MARCHF3: variants seen among roughly 807,000 people sequenced by gnomAD.
MARCHF3 encodes E3 ubiquitin-protein ligase MARCHF3.
A neutral mutation model predicts 24.2 loss-of-function variants in MARCHF3; 13 were observed. The ratio of observed to expected loss-of-function variants is 0.54; its 90% confidence interval spans 0.35 to 0.85. MARCHF3 has a LOEUF of 0.85. Ranked by LOEUF, MARCHF3 falls within the 40% of genes least tolerant of loss-of-function variation. MARCHF3 has a pLI of 0.01. For missense variants in MARCHF3, 276 were observed against 325.0 expected (o/e 0.85, Z 1.16); for synonymous variants, 144 against 137.3 (o/e 1.05, Z -0.34).
At chr5:126,984,593 G>C (rs1751499648) in intron 1 of MARCHF3, among the ~76,000 whole-genome samples, 1 of 152,136 alleles carries the variant, frequency 6.6e-6, no homozygotes, top group African/African-American at 2.4e-5. Context: ...AACATTCTTG[G>C]GTCATGGGTC....
intron 1 of MARCHF3, among the ~76,000 whole-genome samples, chr5:127,015,564 A>G (rs1479651785): frequency 6.6e-6 from 1 of 152,220 alleles, no homozygotes; most frequent in Admixed American, 6.5e-5. Flanking sequence ...CCAAGCTGAA[A>G]GCCATAGAAA....
intron 1 of MARCHF3, among the ~76,000 whole-genome samples, chr5:126,940,662 G>A (rs1025359360): frequency 1.3e-5 from 2 of 151,918 alleles, no homozygotes; most frequent in Non-Finnish European, 2.9e-5. Context: ...GGCCAGGTTG[G>A]TCTTAAACTC....
At position 126,867,955 on chromosome 5, in the gene MARCHF3, T is replaced by G. The variant is rs1752823451; in HGVS notation, c.*2678A>C. 1 of 152,188 alleles carries G rather than the reference T, an allele frequency of 6.6e-6. No individual in the cohort carries two copies. The highest frequency in any genetic ancestry group is 1.5e-5 in the Non-Finnish European group (1 of 68,028). 9.4% of individuals were successfully genotyped at this position (152,188 alleles called of 1,614,324 possible). The stretch of plus-strand genomic sequence containing the variant: ...ACATGACATTCTCAAGAAAAATGAT[T>G]AGGACAGAATCACAGCAAGGAGTGT... On this transcript the variant is annotated 3_prime_UTR_variant, in exon 5 of 5. Transcript: ENST00000308660.
At chr5:126,872,450 C>A (rs1415101041) in intron 4 of MARCHF3, among the ~76,000 whole-genome samples, 1 of 152,074 alleles carries the variant, frequency 6.6e-6, no homozygotes. Context: ...CATTGATGGA[C>A]CGTCCAAGAA....
intron 1 of MARCHF3, among the ~76,000 whole-genome samples, chr5:126,951,978 C>G (rs1048607567): frequency 2.0e-5 from 3 of 152,106 alleles, no homozygotes; most frequent in Non-Finnish European, 4.4e-5. Flanking sequence ...TCCCAAGTAC[C>G]TGGGATTACA....
chr5:126,940,121 T>C (rs924755552), intron 1 of MARCHF3, among the ~76,000 whole-genome samples: 1 of 152,202 alleles, frequency 6.6e-6, no homozygotes, highest in Non-Finnish European at 1.5e-5. Flanking sequence ...AAGCAGATCA[T>C]TGCCTTGTTT....
chr5:126,914,490 T>C (rs909563490), intron 3 of MARCHF3, among the ~76,000 whole-genome samples: 3 of 152,024 alleles, frequency 2.0e-5, no homozygotes, highest in African/African-American at 7.3e-5. Context: ...CTATATCCAT[T>C]AAACTATGGA....
intron 1 of MARCHF3, among the ~76,000 whole-genome samples, chr5:127,010,890 G>A (rs1269641265): frequency 6.6e-6 from 1 of 152,086 alleles, no homozygotes; most frequent in Non-Finnish European, 1.5e-5. Context: ...AATGGCGGTT[G>A]CTAGGAGCTT....
At chr5:126,966,895 C>A (rs1371478993) in intron 1 of MARCHF3, among the ~76,000 whole-genome samples, 2 of 21,976 alleles carry the variant, frequency 9.1e-5, no homozygotes, top group African/African-American at 1.5e-4. Context: ...TCTTGTTGGG[C>A]TGTGAGAGCC....
chr5:127,008,131 T>C (rs891197505), intron 1 of MARCHF3, among the ~76,000 whole-genome samples: 2 of 152,174 alleles, frequency 1.3e-5, no homozygotes, highest in African/African-American at 4.8e-5. Context: ...AAAAAATGCA[T>C]TGAAGTTGTA....
At chr5:126,910,488 GA>G (rs1693071657) in intron 3 of MARCHF3, among the ~76,000 whole-genome samples, 1 of 152,214 alleles carries the variant, frequency 6.6e-6, no homozygotes, top group Non-Finnish European at 1.5e-5. Context: ...AGAAGTCAGG[GA>G]CCCTGAACGG....
chr5:126,886,507 A>G (rs1238802176), intron 3 of MARCHF3, among the ~76,000 whole-genome samples: 1 of 152,180 alleles, frequency 6.6e-6, no homozygotes, highest in East Asian at 1.9e-4. Flanking sequence ...ATGGGAGTCT[A>G]CCTCAACAGA....
chr5:126,919,700 C>T (rs569976856), intron 1 of MARCHF3, among the ~76,000 whole-genome samples: 1 of 152,358 alleles, frequency 6.6e-6, no homozygotes, highest in East Asian at 1.9e-4. Context: ...ACATGTCAAG[C>T]AGGCTTGACT....
rs369261040 is a variant in MARCHF3 at position 126,960,589 on chromosome 5, T to C, written c.-56-42362A>G. Among the ~76,000 whole-genome samples, 3 of 152,246 alleles carry C rather than the reference T, an allele frequency of 2.0e-5. No homozygotes were observed. In the South Asian group the frequency reaches 6.2e-4, roughly 32 times the overall value. On this transcript the variant is annotated intron_variant, in intron 1 of 4. Transcript: ENST00000308660. Reference sequence around the variant, plus strand: ...TCCCATGTGAACATTTTTTGTAAAATGAATCTAAGATCTTCCTGATCTGCC... The same window carrying C: ...TCCCATGTGAACATTTTTTGTAAAACGAATCTAAGATCTTCCTGATCTGCC...
intron 1 of MARCHF3, among the ~76,000 whole-genome samples, chr5:126,991,398 G>C (rs926325112): frequency 6.6e-6 from 1 of 152,162 alleles, no homozygotes; most frequent in Non-Finnish European, 1.5e-5. Flanking sequence ...GGGCCTGTTA[G>C]GGGGTGGGAG....
intron 3 of MARCHF3, among the ~76,000 whole-genome samples, chr5:126,887,240 T>C (rs545112754): frequency 4.6e-5 from 7 of 152,214 alleles, no homozygotes; most frequent in African/African-American, 1.7e-4. Context: ...ACAGGATCTA[T>C]GATTTTGAAT....
intron 3 of MARCHF3, among the ~76,000 whole-genome samples, chr5:126,886,061 C>T (rs1443247861): frequency 6.6e-6 from 1 of 151,342 alleles, no homozygotes; most frequent in East Asian, 1.9e-4. Flanking sequence ...AGGGTACATA[C>T]CACATATCCT....
In MARCHF3 at chr5:126,869,548, G is replaced by T. The variant is rs1249875765; in HGVS notation, c.*1085C>A. On this transcript the variant is annotated 3_prime_UTR_variant, in exon 5 of 5. Coordinates refer to ENST00000308660, the MANE Select transcript of MARCHF3 (RefSeq NM_178450.5). Reference sequence around the variant, plus strand: ...TCCTTTTTAAAGAATCAGACAAAGGGGTCTTAGAATAAGTGCAGGGCTGCT... The same window carrying T: ...TCCTTTTTAAAGAATCAGACAAAGGTGTCTTAGAATAAGTGCAGGGCTGCT... 2 of 142,964 alleles carry T rather than the reference G, an allele frequency of 1.4e-5. No individual in the cohort carries two copies. Among genetic ancestry groups the T allele is most frequent in the East Asian group, 4.3e-4 (2 of 4,648 alleles). 8.9% of individuals were successfully genotyped at this position (142,964 alleles called of 1,614,324 possible).
intron 3 of MARCHF3, among the ~76,000 whole-genome samples, chr5:126,883,838 G>A (rs527436575): frequency 2.7e-4 from 41 of 152,160 alleles, no homozygotes; most frequent in Non-Finnish European, 5.4e-4. Flanking sequence ...ATTACACTCT[G>A]GTGGCTAATA....
Sources: allele counts gnomAD v4.1 joint callset (sites outside exome capture counted in the v4.1 genomes callset), GRCh38; gene constraint gnomAD v4.1.1; transcripts MANE v1.5; gene names NCBI Gene and HGNC (gene_info 2026-07-23, HGNC 2026-07-21).